The following VEPH1 variants were observed in gnomAD, a reference collection of about 807,000 sequenced individuals.
VEPH1 encodes the protein ventricular zone expressed PH domain containing 1.
Under a neutral mutation model 85.2 loss-of-function variants are expected in VEPH1, and 80 were observed. The ratio of observed to expected loss-of-function variants is 0.94; its 90% CI spans 0.78 to 1.13. VEPH1 has a LOEUF of 1.13. VEPH1 is among the 50% of genes most tolerant of loss of function. The pLI is 0.00. For missense variants in VEPH1, 955 were observed against 980.5 expected, an observed-to-expected ratio of 0.97 and a Z score of 0.35; for synonymous variants, 297 against 348.0, an observed-to-expected ratio of 0.85 and a Z score of 1.63.
At chr3:157,466,925 T>C (rs1736426636) in intron 3 of VEPH1, among the ~76,000 whole-genome samples, 1 of 152,222 alleles carries the variant, frequency 6.6e-6, no homozygotes, top group South Asian at 2.1e-4. Flanking sequence ...GTTTCCTCAA[T>C]ACAAAATCAG....
intron 9 of VEPH1, among the ~76,000 whole-genome samples, chr3:157,343,901 A>G (rs1030590504): frequency 6.6e-6 from 1 of 152,246 alleles, no homozygotes; most frequent in Non-Finnish European, 1.5e-5. Context: ...GTAATCCAGA[A>G]TATAAACAGA....
chr3:157,491,660 C>T (rs1739221140), intron 2 of VEPH1, among the ~76,000 whole-genome samples: 1 of 151,890 alleles, frequency 6.6e-6, no homozygotes, highest in South Asian at 2.1e-4. Flanking sequence ...TTTTTGGATT[C>T]CACAAAGCTG....
chr3:157,395,735 G>C (rs1730316784), intron 6 of VEPH1, among the ~76,000 whole-genome samples: 1 of 151,834 alleles, frequency 6.6e-6, no homozygotes, highest in East Asian at 1.9e-4. Flanking sequence ...TTTTAGGTTT[G>C]GGGGTGCAAG....
At chr3:157,309,839 G>T (rs1171253824) in intron 11 of VEPH1, among the ~76,000 whole-genome samples, 1 of 151,926 alleles carries the variant, frequency 6.6e-6, no homozygotes, top group Non-Finnish European at 1.5e-5. Flanking sequence ...GAGTGCAGTG[G>T]CGGGATCTTG....
At chr3:157,312,672 G>T (rs1451169198) in intron 11 of VEPH1, among the ~76,000 whole-genome samples, 2 of 152,124 alleles carry the variant, frequency 1.3e-5, no homozygotes, top group African/African-American at 4.8e-5. Context: ...CAGGCTGTCA[G>T]TCCTGTTGAT....
At chr3:157,438,026 C>G (rs1174704126) in intron 4 of VEPH1, 81 of 821,790 alleles carry the variant, frequency 9.9e-5, no homozygotes, top group Non-Finnish European at 1.5e-4. Flanking sequence ...GGGAAGCGCG[C>G]GCGCGCGCGC....
chr3:157,369,180 G>GAAAA (rs58451868), intron 7 of VEPH1, among the ~76,000 whole-genome samples: 6,923 of 42,624 alleles, frequency 0.16, 1,304 homozygotes, highest in Non-Finnish European at 0.2. Flanking sequence ...AAAACCAAAT[G>GAAAA]AAAAAAAAAA....
intron 7 of VEPH1, among the ~76,000 whole-genome samples, chr3:157,365,933 G>A (rs950387284): frequency 2.0e-5 from 3 of 152,106 alleles, no homozygotes; most frequent in African/African-American, 4.8e-5. Flanking sequence ...CGGTTAACTC[G>A]ATCTTCAGCC....
intron 4 of VEPH1, among the ~76,000 whole-genome samples, chr3:157,448,660 A>G (rs2109290012): frequency 6.6e-6 from 1 of 152,352 alleles, no homozygotes; most frequent in South Asian, 2.1e-4. Flanking sequence ...CCATTTTCAT[A>G]TGGCAAAGAA....
intron 2 of VEPH1, among the ~76,000 whole-genome samples, chr3:157,488,354 A>C (rs1260778286): frequency 6.6e-6 from 1 of 152,100 alleles, no homozygotes; most frequent in African/African-American, 2.4e-5. Flanking sequence ...AATGACCTTC[A>C]TGTGTCTGAA....
chr3:157,427,366 C>A (rs572437613), intron 5 of VEPH1, among the ~76,000 whole-genome samples: 12 of 152,332 alleles, frequency 7.9e-5, no homozygotes, highest in African/African-American at 2.9e-4. Context: ...GATCCACCAG[C>A]CTCGACCTCC....
At chr3:157,443,941 A>T (rs1734341686) in intron 4 of VEPH1, among the ~76,000 whole-genome samples, 1 of 152,254 alleles carries the variant, frequency 6.6e-6, no homozygotes, top group African/African-American at 2.4e-5. Flanking sequence ...AACATGAATT[A>T]TCACAGTTCC....
chr3:157,463,939 A>G (rs1423805853), intron 3 of VEPH1, among the ~76,000 whole-genome samples: 3 of 152,192 alleles, frequency 2.0e-5, no homozygotes, highest in Non-Finnish European at 4.4e-5. Flanking sequence ...CTATAACTGA[A>G]TCCCTTTCTC....
At chr3:157,367,834 C>A (rs77158325) in intron 7 of VEPH1, among the ~76,000 whole-genome samples, 422 of 152,194 alleles carry the variant, frequency 2.8e-3, no homozygotes, top group African/African-American at 9.7e-3. Flanking sequence ...AACTTCAAAA[C>A]ATATGAATTG....
intron 12 of VEPH1, among the ~76,000 whole-genome samples, chr3:157,269,642 G>GTTTTTTTTTTTTTTTTTTTTGTTTTTT (rs11408861): frequency 8.7e-6 from 1 of 115,454 alleles, no homozygotes; most frequent in Non-Finnish European, 1.7e-5. Context: ...TGTTTTTGTT[G>GTTTTTTTTTTTTTTTTTTTTGTTTTTT]TTTTTTTTTT....
chr3:157,372,443 A>G (rs1253006056), intron 7 of VEPH1, among the ~76,000 whole-genome samples: 1 of 152,202 alleles, frequency 6.6e-6, no homozygotes, highest in African/African-American at 2.4e-5. Context: ...ACTAATGAAA[A>G]GCCTATCTTT....
Position 157,437,762 on chromosome 3 carries a change from C to A in VEPH1, c.530-9274G>T, listed in dbSNP as rs1197955708. The stretch of plus-strand genomic sequence containing the variant: ...GAGCTGCTGCAGGCGACCCGCGACG[C>A]GGGCCGCAGGCTGGCGCGTATGGAG... On this transcript the variant is annotated intron_variant, in intron 4 of 13. Transcript: ENST00000362010. 2.0e-6 allele frequency: 3 copies of A among 1,486,944 alleles called. No homozygotes were observed. Among genetic ancestry groups the A allele is most frequent in the Admixed American group, 2.3e-5 (1 of 42,658 alleles). The allele number at this position is 1,486,944 out of a possible 1,614,324, so 92.1% of individuals were successfully genotyped here.
intron 3 of VEPH1, among the ~76,000 whole-genome samples, chr3:157,468,068 T>A (rs1366326099): frequency 6.6e-6 from 1 of 152,240 alleles, no homozygotes; most frequent in Non-Finnish European, 1.5e-5. Context: ...GATTCTCTGA[T>A]CTTGGTCTTA....
At chr3:157,337,915 A>AT (rs1344045474) in intron 9 of VEPH1, among the ~76,000 whole-genome samples, 1 of 151,526 alleles carries the variant, frequency 6.6e-6, no homozygotes, top group Non-Finnish European at 1.5e-5. Flanking sequence ...TTGGCAGTTA[A>AT]TTTTTTTTTC....
Sources: gnomAD v4.1 joint callset for allele counts (sites outside exome capture counted in the v4.1 genomes callset) on GRCh38, gnomAD v4.1.1 for gene constraint, MANE v1.5 for transcripts, NCBI Gene and HGNC (gene_info 2026-07-23, HGNC 2026-07-21) for gene names.